NRDE2: variants seen among roughly 807,000 people sequenced by gnomAD.
The protein encoded by NRDE2 is nuclear exosome regulator NRDE2.
A neutral mutation model predicts 124.2 loss-of-function variants in NRDE2; 76 were observed. The observed-to-expected ratio is 0.61, with a 90% CI of 0.51 to 0.74. NRDE2 has a LOEUF of 0.74. NRDE2 is among the 30% of genes least tolerant of loss of function. The probability of loss-of-function intolerance (pLI) is 0.00; values close to 1 mark genes in which losing one functional copy is unlikely to be tolerated. For missense variants in NRDE2, 1,314 were observed against 1,417.3 expected, an observed-to-expected ratio of 0.93 and a Z score of 1.17; for synonymous variants, 489 against 528.1, an observed-to-expected ratio of 0.93 and a Z score of 1.01.
At position 90,274,767 on chromosome 14, in the gene NRDE2, T is replaced by C. The variant is rs950882297; in HGVS notation, c.*3569A>G. 2.7e-5 allele frequency: 4 copies of C among 147,148 alleles called. No individual in the cohort carries two copies. The highest frequency in any genetic ancestry group is 1.0e-4 in the African/African-American group (4 of 39,414). The allele number at this position is 147,148 out of a possible 1,614,324, so 9.1% of individuals were successfully genotyped here. On this transcript the variant is annotated 3_prime_UTR_variant, in exon 14 of 14. Transcript: ENST00000354366. ...CAGTTACTATTAATGGAATACAGTA[T>C]AGCCCTTTAAATAGGGAACTACACA...
At chr14:90,330,214 A>AAAATAAATAAATAAATAAATAAAT (rs1555362759) in intron 1 of NRDE2, among the ~76,000 whole-genome samples, 2 of 139,256 alleles carry the variant, frequency 1.4e-5, no homozygotes, top group African/African-American at 2.8e-5. Flanking sequence ...CTCAAAAAAA[A>AAAATAAATAAATAAATAAATAAAT]AAATAAATAA....
Position 90,272,202 on chromosome 14 carries a change from G to C in NRDE2, c.*6134C>G. On this transcript the variant is annotated 3_prime_UTR_variant, in exon 14 of 14. Coordinates refer to ENST00000354366, the MANE Select transcript of NRDE2 (RefSeq NM_017970.4). The surrounding 1 kb of genome is among the most constrained non-coding windows in gnomAD (Gnocchi z 4.5). ...AGCCACCGCGCCTGGCCTCAGAATA[G>C]GTTTTTTGGAATTCCTTGTTAGAAT... 4.5e-6 allele frequency: 7 copies of C among 1,570,038 alleles called. No individual in the cohort carries two copies. The highest frequency in any genetic ancestry group is 6.0e-6 in the Non-Finnish European group (7 of 1,159,628).
rs1595047951 is a variant in NRDE2, at chr14:90,272,449, C to T, written c.*5887G>A. On this transcript the variant is annotated 3_prime_UTR_variant, in exon 14 of 14. Coordinates refer to ENST00000354366, the MANE Select transcript of NRDE2 (RefSeq NM_017970.4). The surrounding 1 kb of genome is among the most constrained non-coding windows in gnomAD (Gnocchi z 4.5). ...TCAGGAAAATGGTTGGGAGATTTCT[C>T]AATCCCTGAAAGGGATGAGGTTGGG... 6.7e-7 allele frequency: 1 copy of T among 1,502,466 alleles called. No individual in the cohort carries two copies. Among genetic ancestry groups the T allele is most frequent in the Admixed American group, 2.2e-5 (1 of 44,674 alleles). 93.1% of individuals were successfully genotyped at this position (1,502,466 alleles called of 1,614,324 possible).
chr14:90,283,997 C>T (rs1256681285), intron 12 of NRDE2, among the ~76,000 whole-genome samples: 1 of 152,142 alleles, frequency 6.6e-6, no homozygotes, highest in Non-Finnish European at 1.5e-5. Context: ...AGGCATGAGC[C>T]ACCACACTCA....
Position 90,289,148 on chromosome 14 carries a change from A to G in NRDE2, c.2230-3T>C. ...TTAGTGTGCAGGCACCAAATGACCT[A>G]CAGGGAAAAAGAGAAGAATGACTGC... On this transcript the variant is annotated splice_region_variant and splice_polypyrimidine_tract_variant and intron_variant, in intron 10 of 13. Transcript: ENST00000354366. 6.3e-7 allele frequency: 1 copy of G among 1,589,038 alleles called. No homozygotes were observed.
intron 1 of NRDE2, among the ~76,000 whole-genome samples, chr14:90,322,365 G>A (rs28517514): frequency 0.3 from 46,044 of 152,006 alleles, 7,250 homozygotes; most frequent in Middle Eastern, 0.45. Context: ...CATGAGGGCA[G>A]GGCCATGACT....
chr14:90,331,610 C>T (rs985304619), intron 1 of NRDE2, among the ~76,000 whole-genome samples: 2 of 152,220 alleles, frequency 1.3e-5, no homozygotes, highest in Non-Finnish European at 2.9e-5. Flanking sequence ...AGCTCCAGGG[C>T]ATCTGCTGGT....
intron 11 of NRDE2, among the ~76,000 whole-genome samples, chr14:90,286,972 T>G (rs1892121403): frequency 7.7e-6 from 1 of 130,450 alleles, no homozygotes; most frequent in South Asian, 2.4e-4. Flanking sequence ...AGGCGGAGGT[T>G]GCAGTGAGCT....
At position 90,272,175 on chromosome 14, in the gene NRDE2, T is replaced by G; in HGVS notation, c.*6161A>C. 7 of 1,387,422 alleles carry G rather than the reference T, an allele frequency of 5.0e-6. No individual in the cohort carries two copies. The highest frequency in any genetic ancestry group is 6.9e-6 in the Non-Finnish European group (7 of 1,014,528). The allele number at this position is 1,387,422 out of a possible 1,614,324, so 85.9% of individuals were successfully genotyped here. A position where few individuals can be genotyped will look rare whatever the true frequency, so the allele number is the denominator to read the frequency against. On this transcript the variant is annotated 3_prime_UTR_variant, in exon 14 of 14. Transcript: ENST00000354366. This position sits in a 1 kb window ranked among gnomAD's most constrained non-coding sequence, Gnocchi z 4.5. ...TCCCAGAGTGCTGGGATTACAGGTG[T>G]GAGCCACCGCGCCTGGCCTCAGAAT...
At chr14:90,291,254 T>C (rs982496680) in intron 9 of NRDE2, among the ~76,000 whole-genome samples, 2 of 152,242 alleles carry the variant, frequency 1.3e-5, no homozygotes, top group African/African-American at 4.8e-5. Flanking sequence ...CTTTGTGTCC[T>C]GGTGCTGCTT....
intron 3 of NRDE2, among the ~76,000 whole-genome samples, chr14:90,315,169 T>C (rs1884994325): frequency 1.1e-5 from 1 of 88,438 alleles, no homozygotes; most frequent in Non-Finnish European, 1.9e-5. Flanking sequence ...AGAGCAATAC[T>C]CTGTCTCAAA....
At chr14:90,294,215 G>C (rs1188012927) in intron 8 of NRDE2, among the ~76,000 whole-genome samples, 4 of 151,994 alleles carry the variant, frequency 2.6e-5, no homozygotes, top group African/African-American at 7.3e-5. Context: ...AAACACAACT[G>C]TTCCCAGGGA....
chr14:90,326,449 G>A (rs9944055), intron 1 of NRDE2, among the ~76,000 whole-genome samples: 39,432 of 149,486 alleles, frequency 0.26, 5,916 homozygotes, highest in Middle Eastern at 0.43. Flanking sequence ...AGCCGAGATC[G>A]CGCCACTGCA....
At position 90,278,518 on chromosome 14, in the gene NRDE2, G is replaced by A. The variant is rs1050406151; in HGVS notation, c.3370-57C>T. The A allele has an allele frequency of 3.8e-6, 6 of 1,597,392 alleles. No individual in the cohort carries two copies. In the African/African-American group the frequency reaches 5.8e-5, roughly 15 times the overall value. ...AGCCGCCACTTCCTGTCAGCCTGGA[G>A]GAGCTCAGGAAGCAAGGGCCAGGTT... is the stretch of plus-strand genomic sequence containing the variant. On this transcript the variant is annotated intron_variant, in intron 13 of 13. Coordinates refer to ENST00000354366, the MANE Select transcript of NRDE2 (RefSeq NM_017970.4).
intron 12 of NRDE2, chr14:90,280,363 C>T (rs1036323703): frequency 2.6e-5 from 4 of 152,212 alleles, no homozygotes; most frequent in Admixed American, 6.5e-5. Flanking sequence ...AGGACTCCTG[C>T]GTGTCCTCCC....
In NRDE2 at chr14:90,288,585, C is replaced by T. The variant is rs142936620; in HGVS notation, c.2790G>A (p.Val930=). ...IDAAVQIYEQ[V]FAKLNSSVFP... ...AAACAGAACTGTTCAGTTTTGCAAA[C>T]ACCTGTTCGTATATCTGCACAGCAG... The change falls in exon 11 of 14, where the codon GTG becomes GTA. Residue 930 remains valine, a synonymous_variant. Transcript: ENST00000354366. 6.4e-5 allele frequency: 103 copies of T among 1,614,210 alleles called. 1 individual carries two copies. In the African/African-American group the frequency reaches 1.3e-3, roughly 20 times the overall value.
chr14:90,329,835 C>CA (rs1173430522), intron 1 of NRDE2, among the ~76,000 whole-genome samples: 3,174 of 55,896 alleles, frequency 0.057, 80 homozygotes, highest in African/African-American at 0.12. Context: ...GAGACTGCCT[C>CA]AAAAAAAAAA....
At chr14:90,301,145 A>G in intron 7 of NRDE2, 94 bp downstream of exon 7, 2 of 1,284,610 alleles carry the variant, frequency 1.6e-6, no homozygotes, top group East Asian at 2.3e-5. Flanking sequence ...ACCACCTCTC[A>G]TTATCCACAC....
At chr14:90,284,853 A>C (rs1892056370) in intron 12 of NRDE2, among the ~76,000 whole-genome samples, 1 of 152,222 alleles carries the variant, frequency 6.6e-6, no homozygotes, top group African/African-American at 2.4e-5. Context: ...CCCAAGGCTG[A>C]GCCAATTCAT....
Sources: allele counts gnomAD v4.1 joint callset (sites outside exome capture counted in the v4.1 genomes callset), GRCh38; gene constraint gnomAD v4.1.1; non-coding constraint Gnocchi (gnomAD v3.1); transcripts MANE v1.5; gene names NCBI Gene and HGNC (gene_info 2026-07-23, HGNC 2026-07-21).